Variants in NRXN3 observed in about 807,000 individuals in gnomAD.
The protein encoded by NRXN3 is neurexin III.
Under a neutral mutation model 137.6 loss-of-function variants are expected in NRXN3, and 32 were observed. The observed-to-expected ratio is 0.23, with a 90% CI of 0.18 to 0.31. The LOEUF (loss-of-function observed/expected upper bound fraction) is 0.31. Ranked by LOEUF, NRXN3 falls within the 10% of genes least tolerant of loss-of-function variation. The pLI is 1.00. For synonymous variants in NRXN3, 798 were observed against 784.5 expected (o/e 1.02, Z -0.29); for missense variants, 1,574 against 2,062.5 (o/e 0.76, Z 4.59).
At chr14:78,508,206 T>C (rs2153786387) in intron 4 of NRXN3, among the ~76,000 whole-genome samples, 1 of 152,310 alleles carries the variant, frequency 6.6e-6, no homozygotes, top group East Asian at 1.9e-4. Flanking sequence ...ATTCTGCTGA[T>C]TGACACTAAT....
chr14:79,546,289 T>C (rs2097319587), intron 16 of NRXN3, among the ~76,000 whole-genome samples: 1 of 152,220 alleles, frequency 6.6e-6, no homozygotes, highest in Non-Finnish European at 1.5e-5. Context: ...GAGAAAATAC[T>C]TTCCTTATAC....
chr14:78,225,439 A>T (rs1033577106), intron 1 of NRXN3, among the ~76,000 whole-genome samples: 1 of 151,580 alleles, frequency 6.6e-6, no homozygotes, highest in African/African-American at 2.4e-5. Context: ...CCACTTTTTG[A>T]TGGGGTTGTT....
At chr14:78,732,216 C>T (rs757821229) in intron 8 of NRXN3, among the ~76,000 whole-genome samples, 3 of 152,204 alleles carry the variant, frequency 2.0e-5, no homozygotes, top group Non-Finnish European at 4.4e-5. Flanking sequence ...CTACTGTCCA[C>T]ATCCTCTGCA....
rs1385631497 is a variant in NRXN3 at position 78,926,771 on chromosome 14, TTA to T, written c.2276-30462_2276-30461del. On this transcript the variant is annotated intron_variant, in intron 10 of 20. Coordinates refer to ENST00000335750, the MANE Select transcript of NRXN3 (RefSeq NM_001330195.2). ...ATATATTATATATATATTATATATA[TTA>T]TATATATAAAATATATTATATATTA... is the stretch of plus-strand genomic sequence containing the variant. 4.2e-4 allele frequency among the ~76,000 whole-genome samples: 18 copies of T among 43,020 alleles called. No individual in the cohort carries two copies. In the East Asian group the frequency reaches 0.01, roughly 25 times the overall value. The allele number at this position is 43,020 out of a possible 152,430, so 28.2% of individuals were successfully genotyped here.
At chr14:79,570,436 A>G (rs1036608593) in intron 16 of NRXN3, 4 of 152,168 alleles carry the variant, frequency 2.6e-5, no homozygotes, top group African/African-American at 4.8e-5. Context: ...TGAGGAAAAG[A>G]CATGCTTTTC....
At chr14:79,803,924 T>TAC (rs869137745) in intron 19 of NRXN3, among the ~76,000 whole-genome samples, 13 of 137,180 alleles carry the variant, frequency 9.5e-5, no homozygotes, top group Non-Finnish European at 1.6e-4. Context: ...TATATATATA[T>TAC]ATGTGTGTGT....
intron 19 of NRXN3, among the ~76,000 whole-genome samples, chr14:79,703,425 G>A (rs534142364): frequency 4.6e-5 from 7 of 152,184 alleles, no homozygotes; most frequent in East Asian, 1.9e-4. Flanking sequence ...GGGCTTTTGC[G>A]TCAGAGTTTC....
intron 2 of NRXN3, chr14:78,250,081 T>A (rs1275352514): frequency 1.9e-6 from 1 of 516,868 alleles, no homozygotes; most frequent in Non-Finnish European, 3.9e-6. Context: ...GCGATTATGA[T>A]TCTCATTTTT....
intron 15 of NRXN3, among the ~76,000 whole-genome samples, chr14:79,035,915 T>C (rs2099615239): frequency 6.6e-6 from 1 of 152,124 alleles, no homozygotes; most frequent in South Asian, 2.1e-4. Flanking sequence ...GATGTGTAGG[T>C]ATTTTAAATG....
At chr14:78,621,968 A>G (rs986885784) in intron 4 of NRXN3, among the ~76,000 whole-genome samples, 2 of 152,204 alleles carry the variant, frequency 1.3e-5, no homozygotes, top group Non-Finnish European at 2.9e-5. Flanking sequence ...TTAGTAAGGT[A>G]ATATGTGTCA....
intron 4 of NRXN3, among the ~76,000 whole-genome samples, chr14:78,404,130 T>A (rs2092317957): frequency 6.6e-6 from 1 of 151,962 alleles, no homozygotes; most frequent in African/African-American, 2.4e-5. Context: ...TCTTGGAAAT[T>A]TTGCCTCCAG....
intron 8 of NRXN3, among the ~76,000 whole-genome samples, chr14:78,735,191 G>A (rs986021535): frequency 2.6e-5 from 4 of 152,142 alleles, no homozygotes; most frequent in Non-Finnish European, 2.9e-5. Context: ...AACAAATCAG[G>A]ACTTAGTAAG....
At chr14:78,419,204 T>G (rs1042425752) in intron 4 of NRXN3, among the ~76,000 whole-genome samples, 4 of 152,224 alleles carry the variant, frequency 2.6e-5, no homozygotes, top group African/African-American at 9.6e-5. Flanking sequence ...TTAGGCTGCT[T>G]GTCTCCTAAG....
chr14:78,955,590 T>C (rs151306113), intron 10 of NRXN3, among the ~76,000 whole-genome samples: 66 of 152,292 alleles, frequency 4.3e-4, no homozygotes, highest in Middle Eastern at 3.4e-3. Flanking sequence ...TTACTAAATG[T>C]TCAAGATTCT....
chr14:79,390,725 T>A (rs1032709819), intron 15 of NRXN3, among the ~76,000 whole-genome samples: 1 of 152,160 alleles, frequency 6.6e-6, no homozygotes, highest in Non-Finnish European at 1.5e-5. Context: ...TGCACATACA[T>A]TTATTTTTAA....
chr14:79,369,216 C>T (rs1276945872), intron 15 of NRXN3, among the ~76,000 whole-genome samples: 2 of 152,046 alleles, frequency 1.3e-5, no homozygotes, highest in East Asian at 1.9e-4. Flanking sequence ...GAGGCAAGGA[C>T]GGGCCAGTCA....
At chr14:79,771,511 C>A (rs1382574263) in intron 19 of NRXN3, among the ~76,000 whole-genome samples, 30 of 150,728 alleles carry the variant, frequency 2.0e-4, no homozygotes, top group African/African-American at 6.6e-4. Context: ...ATAAACAGAA[C>A]CAAAGACAAA....
intron 15 of NRXN3, among the ~76,000 whole-genome samples, chr14:79,034,891 T>G (rs2152505437): frequency 6.6e-6 from 1 of 152,262 alleles, no homozygotes; most frequent in Non-Finnish European, 1.5e-5. Flanking sequence ...TAAACTATTC[T>G]TAAATGATTC....
chr14:78,590,769 G>A (rs1477014038), intron 4 of NRXN3, among the ~76,000 whole-genome samples: 1 of 152,088 alleles, frequency 6.6e-6, no homozygotes, highest in Non-Finnish European at 1.5e-5. Flanking sequence ...ACAAAAATTA[G>A]CTGGGTGTGG....
Sources: gnomAD v4.1 joint callset for allele counts (sites outside exome capture counted in the v4.1 genomes callset) on GRCh38, gnomAD v4.1.1 for gene constraint, MANE v1.5 for transcripts, NCBI Gene and HGNC (gene_info 2026-07-23, HGNC 2026-07-21) for gene names.